The following ARID4B variants were observed in gnomAD, a reference collection of about 807,000 sequenced individuals.
The protein encoded by ARID4B is AT-rich interaction domain 4B.
ARID4B carries 26 observed loss-of-function variants against 147.5 expected under a neutral mutation model. The ratio of observed to expected loss-of-function variants is 0.18; its 90% CI spans 0.13 to 0.24. The LOEUF (loss-of-function observed/expected upper bound fraction) is 0.24. ARID4B is among the 10% of genes least tolerant of loss of function. The probability of loss-of-function intolerance (pLI) is 1.00; values close to 1 mark genes in which losing one functional copy is unlikely to be tolerated. For synonymous variants in ARID4B, 512 were observed against 507.9 expected (o/e 1.01, Z -0.11); for missense variants, 1,179 against 1,511.5 (o/e 0.78, Z 3.65).
Position 235,205,683 on chromosome 1 carries a change from A to G in ARID4B, c.1841+8086T>C, listed in dbSNP as rs191837440. 1.1e-3 allele frequency among the ~76,000 whole-genome samples: 162 copies of G among 152,316 alleles called. 2 individuals carry two copies. Among genetic ancestry groups the G allele is most frequent in the African/African-American group, 3.6e-3 (150 of 41,566 alleles). ...AAGAACTATAATTCAACAACAACAA[A>G]ACAACTGACCAATTCAAAAATGGCA... is the stretch of plus-strand genomic sequence containing the variant. On this transcript the variant is annotated intron_variant, in intron 17 of 23. Transcript: ENST00000264183.
At chr1:235,324,258 A>G (rs1350609673) in intron 2 of ARID4B, among the ~76,000 whole-genome samples, 2 of 152,184 alleles carry the variant, frequency 1.3e-5, no homozygotes, top group Non-Finnish European at 2.9e-5. Flanking sequence ...TAAATTCAAC[A>G]TAACACCAAC....
chr1:235,283,114 G>T (rs1489842171), intron 2 of ARID4B, among the ~76,000 whole-genome samples: 2 of 152,170 alleles, frequency 1.3e-5, no homozygotes, highest in East Asian at 3.8e-4. Flanking sequence ...GAAGTTTTAT[G>T]TATCTTTTAA....
chr1:235,325,115 G>A (rs1481409557), intron 2 of ARID4B, among the ~76,000 whole-genome samples: 3 of 152,030 alleles, frequency 2.0e-5, no homozygotes, highest in African/African-American at 7.2e-5. Flanking sequence ...ATAATTACTA[G>A]CAAATTCTCT....
At chr1:235,205,954 C>T (rs1384539644) in intron 17 of ARID4B, among the ~76,000 whole-genome samples, 2 of 152,002 alleles carry the variant, frequency 1.3e-5, no homozygotes, top group Non-Finnish European at 2.9e-5. Context: ...TTGACAGTTC[C>T]TTAGAATGTG....
chr1:235,246,045 T>C (rs897046272), intron 7 of ARID4B, among the ~76,000 whole-genome samples: 1 of 152,138 alleles, frequency 6.6e-6, no homozygotes, highest in African/African-American at 2.4e-5. Flanking sequence ...TTTAAGCATT[T>C]TTGTTGAGAA....
At chr1:235,238,574 G>A (rs1292371601) in intron 8 of ARID4B, among the ~76,000 whole-genome samples, 1 of 152,178 alleles carries the variant, frequency 6.6e-6, no homozygotes, top group East Asian at 1.9e-4. Context: ...AAAAGATGTG[G>A]GCTGGGCTCA....
chr1:235,169,325 CT>C (rs1282973866), intron 23 of ARID4B, among the ~76,000 whole-genome samples: 2 of 151,224 alleles, frequency 1.3e-5, no homozygotes, highest in African/African-American at 4.9e-5. Flanking sequence ...ACTAAAAGTT[CT>C]GCCTCCTGAG....
intron 19 of ARID4B, among the ~76,000 whole-genome samples, chr1:235,191,578 G>C (rs1264156871): frequency 6.6e-6 from 1 of 152,068 alleles, no homozygotes; most frequent in African/African-American, 2.4e-5. Context: ...TATTCTAACT[G>C]TAGTGGACCC....
At chr1:235,192,385 A>G (rs1376916475) in intron 19 of ARID4B, among the ~76,000 whole-genome samples, 1 of 152,254 alleles carries the variant, frequency 6.6e-6, no homozygotes, top group Non-Finnish European at 1.5e-5. Context: ...CTGTGGAGAC[A>G]TACTAGTATC....
At chr1:235,315,252 C>T (rs1017152858) in intron 2 of ARID4B, among the ~76,000 whole-genome samples, 2 of 152,068 alleles carry the variant, frequency 1.3e-5, no homozygotes, top group African/African-American at 4.8e-5. Flanking sequence ...AAGGAGACCC[C>T]GTCTCTACCA....
intron 17 of ARID4B, among the ~76,000 whole-genome samples, chr1:235,198,851 G>A (rs1369121158): frequency 6.6e-6 from 1 of 152,228 alleles, no homozygotes; most frequent in African/African-American, 2.4e-5. Context: ...TGTAATCCCA[G>A]CACTTTGGAA....
At chr1:235,198,154 A>G (rs1382519604) in intron 17 of ARID4B, among the ~76,000 whole-genome samples, 2 of 152,228 alleles carry the variant, frequency 1.3e-5, no homozygotes, top group African/African-American at 4.8e-5. Flanking sequence ...TGCACATAAC[A>G]TTAATGTGAG....
rs777917083 is a variant in ARID4B, at chr1:235,224,776, CTAATTT to C, written c.898-7_898-2del. On this transcript the variant is annotated splice_acceptor_variant and splice_polypyrimidine_tract_variant and intron_variant, in intron 11 of 23. Transcript: ENST00000264183. LOFTEE classifies it high-confidence loss of function. ...CTTCTGGAAATGGTTCTATTTCTTC[CTAATTT>C]TAATCACAGAAGAATATTATTTTCT... 2.5e-6 allele frequency: 4 copies of C among 1,572,152 alleles called. No homozygotes were observed. The African/African-American group carries it at 5.4e-5, about 21-fold the overall frequency.
chr1:235,212,935 A>C (rs1666799929), intron 17 of ARID4B, among the ~76,000 whole-genome samples: 3 of 152,168 alleles, frequency 2.0e-5, no homozygotes, highest in Admixed American at 2.0e-4. Context: ...CACAACTTAA[A>C]CTTCTATGGT....
At chr1:235,252,092 C>T (rs144902064) in intron 6 of ARID4B, among the ~76,000 whole-genome samples, 1 of 152,188 alleles carries the variant, frequency 6.6e-6, no homozygotes, top group Admixed American at 6.5e-5. Context: ...ATTCATCCAA[C>T]TAACACTTAT....
intron 17 of ARID4B, among the ~76,000 whole-genome samples, chr1:235,202,563 T>C (rs1666018818): frequency 6.6e-6 from 1 of 151,034 alleles, no homozygotes; most frequent in African/African-American, 2.4e-5. Flanking sequence ...AATTTTTTTT[T>C]TTTTGAGACG....
chr1:235,218,148 G>A (rs1667218002), intron 16 of ARID4B, among the ~76,000 whole-genome samples: 1 of 152,130 alleles, frequency 6.6e-6, no homozygotes, highest in Non-Finnish European at 1.5e-5. Flanking sequence ...TGGAAAAGCA[G>A]GGAGTACTAT....
chr1:235,252,506 C>A (rs536294157), intron 6 of ARID4B, among the ~76,000 whole-genome samples: 1 of 152,216 alleles, frequency 6.6e-6, no homozygotes, highest in Non-Finnish European at 1.5e-5. Context: ...ATTGTATTTT[C>A]TCTGTGGACA....
chr1:235,231,198 T>G lies in ARID4B; in HGVS notation c.666-9A>C. ...TTCTTGGAACTGAAGTACTATATATTTTTTTTAATTATAAGAGAAGAAAAA... is the reference window on the plus strand; with the variant it reads ...TTCTTGGAACTGAAGTACTATATATGTTTTTTAATTATAAGAGAAGAAAAA... On this transcript the variant is annotated splice_polypyrimidine_tract_variant and intron_variant, in intron 9 of 23. Coordinates refer to ENST00000264183, the MANE Select transcript of ARID4B (RefSeq NM_016374.6). The G allele has an allele frequency of 3.3e-6, 5 of 1,494,404 alleles. No individual in the cohort carries two copies. The highest frequency in any genetic ancestry group is 4.5e-6 in the Non-Finnish European group (5 of 1,104,554). 92.6% of individuals were successfully genotyped at this position (1,494,404 alleles called of 1,614,324 possible). A position where few individuals can be genotyped will look rare whatever the true frequency, so the allele number is the denominator to read the frequency against.
Sources: gnomAD v4.1 joint callset for allele counts (sites outside exome capture counted in the v4.1 genomes callset) on GRCh38, gnomAD v4.1.1 for gene constraint, MANE v1.5 for transcripts, NCBI Gene and HGNC (gene_info 2026-07-23, HGNC 2026-07-21) for gene names.